The following RASL12 variants were observed in gnomAD, a reference collection of about 807,000 sequenced individuals.
RASL12 encodes the protein ras-like protein family member 12.
Under a neutral mutation model 22.9 loss-of-function variants are expected in RASL12, and 16 were observed. The ratio of observed to expected loss-of-function variants is 0.70; its 90% CI spans 0.47 to 1.06. RASL12 has a LOEUF of 1.06. RASL12 is among the 50% of genes least tolerant of loss of function. The pLI is 0.00. For synonymous variants in RASL12, 159 were observed against 152.2 expected (o/e 1.04, Z -0.33); for missense variants, 306 against 353.1 (o/e 0.87, Z 1.07).
upstream of RASL12, among the ~76,000 whole-genome samples, chr15:65,071,920 G>A (rs575020978): frequency 4.1e-4 from 63 of 152,158 alleles, no homozygotes; most frequent in Non-Finnish European, 8.2e-4. Context: ...GGCAGGGTTC[G>A]ATTGAGCCTC....
chr15:65,052,832 A>G (rs1006266706), downstream of RASL12: 1 of 721,178 alleles, frequency 1.4e-6, no homozygotes, highest in Non-Finnish European at 2.3e-6. Flanking sequence ...ATATCCAACC[A>G]TTGCCGCTTC....
chr15:65,067,623 G>A (rs893868585), intron 1 of RASL12, 110 bp downstream of exon 1: 146 of 1,304,478 alleles, frequency 1.1e-4, no homozygotes, highest in Non-Finnish European at 1.4e-4. Context: ...CCTGGGTGAA[G>A]GAAGCTCCCC....
chr15:65,055,095 C>G lies in RASL12; in HGVS notation c.605G>C (p.Arg202Thr). 11 of 1,611,602 alleles carry G rather than the reference C, an allele frequency of 6.8e-6. No homozygotes were observed. Among genetic ancestry groups the G allele is most frequent in the Non-Finnish European group, 9.3e-6 (11 of 1,179,102 alleles). Reference protein sequence around the residue: ...LTRPLFISEERALPHQAPLTA... With the variant: ...LTRPLFISEETALPHQAPLTA... The stretch of plus-strand genomic sequence containing the variant: ...GAGCGGGGCCTGGTGGGGCAGGGCC[C>G]TCTCCTCGGAGATGAAGAGGGGCCG... The change falls in exon 5 of 5, where the codon AGG becomes ACG. Residue 202 changes from arginine (R) to threonine (T), a missense_variant. Physicochemically the swap from Arg to Thr is moderately conservative, Grantham distance 71. Coordinates refer to ENST00000220062, the MANE Select transcript of RASL12 (RefSeq NM_016563.4).
Position 65,058,424 on chromosome 15 carries a change from C to T in RASL12, c.425+3G>A, listed in dbSNP as rs1184279465. On this transcript the variant is annotated splice_donor_region_variant and intron_variant, in intron 4 of 4. Transcript: ENST00000220062. ...AGATAACGGCCAAGCAGGCTGTGCTCACCTGTACTGAGCCATGTCCAGCTT... is the reference window on the plus strand; with the variant it reads ...AGATAACGGCCAAGCAGGCTGTGCTTACCTGTACTGAGCCATGTCCAGCTT... 1.3e-6 allele frequency: 2 copies of T among 1,528,860 alleles called. No individual in the cohort carries two copies. The highest frequency in any genetic ancestry group is 2.7e-5 in the African/African-American group (2 of 73,042). 94.7% of individuals were successfully genotyped at this position (1,528,860 alleles called of 1,614,324 possible).
In RASL12 at chr15:65,054,261, T is replaced by G; in HGVS notation, c.*638A>C. Reference sequence around the variant, plus strand: ...CTTATGCTGGACAACCTACAGTCCCTCCCTTTTATCCTCATTGAGACGCCA... The same window carrying G: ...CTTATGCTGGACAACCTACAGTCCCGCCCTTTTATCCTCATTGAGACGCCA... On this transcript the variant is annotated 3_prime_UTR_variant, in exon 5 of 5. Coordinates refer to ENST00000220062, the MANE Select transcript of RASL12 (RefSeq NM_016563.4). The G allele has an allele frequency of 1.0e-6, 1 of 985,904 alleles. No individual in the cohort carries two copies. The allele number at this position is 985,904 out of a possible 1,614,324, so 61.1% of individuals were successfully genotyped here. A position where few individuals can be genotyped will look rare whatever the true frequency, so the allele number is the denominator to read the frequency against.
intron 3 of RASL12, 59 bp downstream of exon 3, chr15:65,059,286 G>T: frequency 6.8e-7 from 1 of 1,463,278 alleles, no homozygotes; most frequent in Non-Finnish European, 9.6e-7. Flanking sequence ...TCTGGGCCAG[G>T]ACTTCTCAGG....
At position 65,067,807 on chromosome 15, in the gene RASL12, G is replaced by A. The variant is rs780305465; in HGVS notation, c.29C>T (p.Ala10Val). The A allele has an allele frequency of 1.3e-6, 2 of 1,575,598 alleles. No homozygotes were observed. The highest frequency in any genetic ancestry group is 3.6e-5 in the Admixed American group (2 of 56,216). The change falls in exon 1 of 5, where the codon GCG becomes GTG. Residue 10 changes from alanine to valine, a missense_variant. Ala to Val is a moderately conservative substitution (Grantham distance 64). Transcript: ENST00000220062. MSSVFGKPRAGSGPQSAPLE... is the reference protein window; with the variant it reads MSSVFGKPRVGSGPQSAPLE... ...GGGCGCGCTCTGAGGCCCGCTGCCC[G>A]CGCGGGGTTTTCCAAACACCGAGGA... is the stretch of plus-strand genomic sequence containing the variant.
At chr15:65,062,230 C>G (rs1027884761) in intron 2 of RASL12, among the ~76,000 whole-genome samples, 13 of 152,286 alleles carry the variant, frequency 8.5e-5, no homozygotes, top group African/African-American at 3.1e-4. Context: ...TCCTGCGGGT[C>G]TCAGCACAGG....
At chr15:65,062,003 C>A (rs937875287) in intron 2 of RASL12, among the ~76,000 whole-genome samples, 2 of 151,646 alleles carry the variant, frequency 1.3e-5, no homozygotes, top group Non-Finnish European at 2.9e-5. Context: ...ATGGTGTGAA[C>A]CCGGGAGGTG....
chr15:65,064,194 A>G (rs755756448), intron 2 of RASL12, among the ~76,000 whole-genome samples: 3 of 152,252 alleles, frequency 2.0e-5, no homozygotes, highest in Non-Finnish European at 4.4e-5. Flanking sequence ...CCATTTGAGG[A>G]GGAAGGAAAA....
At chr15:65,075,696 T>C (rs1192149538) in intron 1 of RASL12, among the ~76,000 whole-genome samples, 3 of 151,406 alleles carry the variant, frequency 2.0e-5, no homozygotes, top group African/African-American at 7.3e-5. Flanking sequence ...TCAGGGATTG[T>C]AAATACACCA....
At chr15:65,075,771 G>A (rs2086963194) in intron 1 of RASL12, among the ~76,000 whole-genome samples, 1 of 150,240 alleles carries the variant, frequency 6.7e-6, no homozygotes, top group Admixed American at 6.6e-5. Flanking sequence ...GTCTAGCTCA[G>A]GGTTTGTGAG....
chr15:65,057,475 G>A (rs2086746776), intron 4 of RASL12, among the ~76,000 whole-genome samples: 1 of 152,222 alleles, frequency 6.6e-6, no homozygotes. Context: ...GAGGCCTGGG[G>A]TCGGCTGGAG....
downstream of RASL12, among the ~76,000 whole-genome samples, chr15:65,050,833 CTTCTT>C (rs1405262692): frequency 1.0e-4 from 9 of 88,600 alleles, no homozygotes; most frequent in East Asian, 3.9e-4. Flanking sequence ...TCTTCTTCTT[CTTCTT>C]TTTTTTTTTT....
chr15:65,054,520 GCCATCCACCCAGA>G lies in RASL12; in HGVS notation c.*366_*378del. ...TGTTCTCGGGCCTGACATTGACAGA[GCCATCCACCCAGA>G]CCATCCACTAAGGCCACAGCTGGCC... On this transcript the variant is annotated 3_prime_UTR_variant, in exon 5 of 5. Coordinates refer to ENST00000220062, the MANE Select transcript of RASL12 (RefSeq NM_016563.4). 2.9e-6 allele frequency: 3 copies of G among 1,022,444 alleles called. No individual in the cohort carries two copies. The highest frequency in any genetic ancestry group is 2.3e-6 in the Non-Finnish European group (2 of 853,368). 63.3% of individuals were successfully genotyped at this position (1,022,444 alleles called of 1,614,324 possible).
upstream of RASL12, among the ~76,000 whole-genome samples, chr15:65,068,872 C>T (rs531624737): frequency 5.3e-5 from 8 of 152,156 alleles, no homozygotes; most frequent in African/African-American, 1.7e-4. The surrounding 1 kb of genome is among the most constrained non-coding windows in gnomAD (Gnocchi z 4.2). Flanking sequence ...CTTTGGGCTT[C>T]GGTGTCCCCA....
At chr15:65,066,552 C>A (rs968717138) in intron 1 of RASL12, among the ~76,000 whole-genome samples, 2 of 151,906 alleles carry the variant, frequency 1.3e-5, no homozygotes, top group Non-Finnish European at 2.9e-5. Flanking sequence ...CCTTAAAATT[C>A]TTTCCTAGGA....
At chr15:65,051,188 A>G (rs1250580129), downstream of RASL12, among the ~76,000 whole-genome samples, 1 of 152,092 alleles carries the variant, frequency 6.6e-6, no homozygotes, top group Admixed American at 6.5e-5. Flanking sequence ...CAGGCTGGCA[A>G]AACTGAAGAT....
intron 1 of RASL12, among the ~76,000 whole-genome samples, chr15:65,066,260 G>GA (rs562930639): frequency 3.0e-4 from 46 of 152,022 alleles, no homozygotes; most frequent in African/African-American, 1.1e-3. Context: ...GAAAGAAAAA[G>GA]AAAAAAGAAA....
Sources: allele counts gnomAD v4.1 joint callset (sites outside exome capture counted in the v4.1 genomes callset), GRCh38; gene constraint gnomAD v4.1.1; non-coding constraint Gnocchi (gnomAD v3.1); transcripts MANE v1.5; gene names NCBI Gene and HGNC (gene_info 2026-07-23, HGNC 2026-07-21).